RMST: variants seen among roughly 807,000 people sequenced by gnomAD.
RMST encodes long intergenic non-protein coding RNA 54.
intron 5 of RMST, among the ~76,000 whole-genome samples, chr12:97,469,909 A>G (rs558287284): frequency 1.3e-5 from 2 of 152,104 alleles, no homozygotes; most frequent in Non-Finnish European, 2.9e-5. Flanking sequence ...TAAAATGTCA[A>G]ACCTTTTTAG....
intron 10 of RMST, among the ~76,000 whole-genome samples, chr12:97,504,595 T>C (rs965507931): frequency 6.6e-6 from 1 of 152,146 alleles, no homozygotes; most frequent in Non-Finnish European, 1.5e-5. Flanking sequence ...TATGATATCA[T>C]AAAACCTTAC....
At chr12:97,463,547 G>GA (rs1491196673) in intron 4 of RMST, among the ~76,000 whole-genome samples, 1 of 152,054 alleles carries the variant, frequency 6.6e-6, no homozygotes, top group African/African-American at 2.4e-5. Context: ...TTTATATCTG[G>GA]AAAAAAATTC....
At chr12:97,496,281 C>T (rs1170359569) in intron 10 of RMST, among the ~76,000 whole-genome samples, 2 of 151,842 alleles carry the variant, frequency 1.3e-5, no homozygotes, top group Non-Finnish European at 2.9e-5. Context: ...ACCCTTCTCT[C>T]CAGCATGTTA....
In RMST at chr12:97,538,368, T is replaced by C. The variant is rs180704517; in HGVS notation, n.1545+7509T>C. Among the ~76,000 whole-genome samples, 355 of 151,580 alleles carry C rather than the reference T, an allele frequency of 2.3e-3. 1 individual carries two copies. Among genetic ancestry groups the C allele is most frequent in the Middle Eastern group, 6.8e-3 (2 of 294 alleles). ...ATTACCTTTGTCCTAATGCATGACCTGCTTTGCTTAAGGTTTTTCTTGAAA... is the reference window on the plus strand; with the variant it reads ...ATTACCTTTGTCCTAATGCATGACCCGCTTTGCTTAAGGTTTTTCTTGAAA... On this transcript the variant is annotated intron_variant and non_coding_transcript_variant, in intron 11 of 13. Transcript: ENST00000640149.
chr12:97,514,563 T>G (rs753928499), intron 10 of RMST, among the ~76,000 whole-genome samples: 1 of 152,224 alleles, frequency 6.6e-6, no homozygotes. Flanking sequence ...CCAATCTTCT[T>G]TAAATTTTCT....
chr12:97,466,916 TTAATTTG>T (rs1342605691), intron 5 of RMST, among the ~76,000 whole-genome samples: 1 of 152,070 alleles, frequency 6.6e-6, no homozygotes, highest in Non-Finnish European at 1.5e-5. Flanking sequence ...TGCGCCTACT[TTAATTTG>T]ACACTTCCTT....
rs946813467 is a variant in RMST at position 97,516,233 on chromosome 12, A to G, written n.1341-14422A>G. Among the ~76,000 whole-genome samples, 2 of 152,042 alleles carry G rather than the reference A, an allele frequency of 1.3e-5. 1 individual carries two copies. Among genetic ancestry groups the G allele is most frequent in the East Asian group, 3.8e-4 (2 of 5,200 alleles). On this transcript the variant is annotated intron_variant and non_coding_transcript_variant, in intron 10 of 13. Transcript: ENST00000640149. ...TGTAATTTTACATTATGGAAGGAAT[A>G]GTTTTGCTCAAGAACCTAATGCTTG...
intron 10 of RMST, among the ~76,000 whole-genome samples, chr12:97,523,220 C>T (rs1880697875): frequency 6.6e-6 from 1 of 152,158 alleles, no homozygotes; most frequent in East Asian, 1.9e-4. Flanking sequence ...TGACTGTATA[C>T]TTGTGTTATG....
At chr12:97,545,325 G>A (rs1310528545) in intron 11 of RMST, among the ~76,000 whole-genome samples, 1 of 152,026 alleles carries the variant, frequency 6.6e-6, no homozygotes, top group Non-Finnish European at 1.5e-5. Flanking sequence ...GTCCGCAGTG[G>A]TTGACATTGC....
chr12:97,553,949 C>CTTTTTTTTT (rs756008010), intron 11 of RMST, among the ~76,000 whole-genome samples: 3 of 120,280 alleles, frequency 2.5e-5, no homozygotes, highest in Admixed American at 8.4e-5. Context: ...TTTTCTTTCT[C>CTTTTTTTTT]TTTTTTTTTT....
In RMST at chr12:97,540,370, G is replaced by C. The variant is rs193118242; in HGVS notation, n.1545+9511G>C. 1.7e-3 allele frequency among the ~76,000 whole-genome samples: 251 copies of C among 151,892 alleles called. 2 individuals are homozygous for C. Among genetic ancestry groups the C allele is most frequent in the Middle Eastern group, 6.8e-3 (2 of 294 alleles). ...CTGAAGACATTTTAAAAAATTTAAAGCTCCTGTTTTTGAAAAAGATGTATA... is the reference window on the plus strand; with the variant it reads ...CTGAAGACATTTTAAAAAATTTAAACCTCCTGTTTTTGAAAAAGATGTATA... On this transcript the variant is annotated intron_variant and non_coding_transcript_variant, in intron 11 of 13. Coordinates refer to ENST00000640149, the Ensembl canonical transcript of RMST.
chr12:97,498,335 G>T (rs1430209349), intron 10 of RMST, among the ~76,000 whole-genome samples: 1 of 152,050 alleles, frequency 6.6e-6, no homozygotes, highest in East Asian at 1.9e-4. Flanking sequence ...AACCAGAATT[G>T]GACTGGTTCG....
chr12:97,526,203 C>T lies in RMST; in HGVS notation n.1341-4452C>T, dbSNP rs1881096430. On this transcript the variant is annotated intron_variant and non_coding_transcript_variant, in intron 10 of 13. Coordinates refer to ENST00000640149, the Ensembl canonical transcript of RMST. ...AACCATCCCCCACCCCACTTCCGGT[C>T]CATGGAAAAATTATCATCTGTGCAG... Among the ~76,000 whole-genome samples the T allele has an allele frequency of 1.3e-5, 2 of 152,038 alleles. 1 individual carries two copies. The highest frequency in any genetic ancestry group is 1.3e-4 in the Admixed American group (2 of 15,262).
intron 5 of RMST, among the ~76,000 whole-genome samples, chr12:97,466,882 A>T (rs1209887075): frequency 6.6e-6 from 1 of 152,098 alleles, no homozygotes; most frequent in African/African-American, 2.4e-5. Context: ...AACTCTTGAG[A>T]TAAAACAGTG....
chr12:97,496,789 A>C (rs1877475730), intron 10 of RMST, among the ~76,000 whole-genome samples: 1 of 152,014 alleles, frequency 6.6e-6, no homozygotes, highest in Non-Finnish European at 1.5e-5. Flanking sequence ...TTTGGAGGGG[A>C]CTTCCCCTGG....
intron 10 of RMST, among the ~76,000 whole-genome samples, chr12:97,518,759 G>A (rs1880197008): frequency 6.6e-6 from 1 of 151,958 alleles, no homozygotes; most frequent in African/African-American, 2.4e-5. Context: ...CAAGTCCTAA[G>A]TCAAATCCAA....
chr12:97,480,532 G>A (rs1040193265), intron 5 of RMST, among the ~76,000 whole-genome samples: 2 of 152,096 alleles, frequency 1.3e-5, no homozygotes, highest in Non-Finnish European at 2.9e-5. Context: ...GTCACCATGC[G>A]ATCCACCTAA....
At chr12:97,472,670 T>C (rs1874065894) in intron 5 of RMST, among the ~76,000 whole-genome samples, 1 of 152,160 alleles carries the variant, frequency 6.6e-6, no homozygotes, top group African/African-American at 2.4e-5. Context: ...AATGGGTACA[T>C]ATGACAAAGA....
intron 11 of RMST, among the ~76,000 whole-genome samples, chr12:97,558,118 G>A (rs1287944923): frequency 6.6e-6 from 1 of 151,742 alleles, no homozygotes; most frequent in African/African-American, 2.4e-5. Flanking sequence ...TTCTTACTTA[G>A]CTTCTCCTTC....
Sources: gnomAD v4.1 joint callset for allele counts (sites outside exome capture counted in the v4.1 genomes callset) on GRCh38, gnomAD v4.1.1 for gene constraint, MANE v1.5 for transcripts, NCBI Gene and HGNC (gene_info 2026-07-23, HGNC 2026-07-21) for gene names.